The following PCDHA1 variants were observed in gnomAD, a reference collection of about 807,000 sequenced individuals.
PCDHA1 encodes the protein protocadherin alpha-1.
PCDHA1 carries 42 observed loss-of-function variants against 61.3 expected under a neutral mutation model. The observed-to-expected ratio is 0.69, with a 90% confidence interval of 0.54 to 0.89. The LOEUF is 0.89. Among genes scored for constraint, PCDHA1 ranks in the 40% least tolerant of loss-of-function variants. PCDHA1 has a pLI of 0.00. For missense variants in PCDHA1, 1,256 were observed against 1,235.3 expected (o/e 1.02, Z -0.25); for synonymous variants, 610 against 553.8 (o/e 1.10, Z -1.43).
At chr5:140,827,936 C>T (rs1554130932) in intron 1 of PCDHA1, 4 of 1,115,020 alleles carry the variant, frequency 3.6e-6, no homozygotes, top group Non-Finnish European at 5.1e-6. Context: ...GAAGTTATAG[C>T]TAGCCAACAT....
intron 1 of PCDHA1, chr5:140,795,243 G>T (rs1035739838): frequency 1.9e-6 from 3 of 1,614,154 alleles, no homozygotes; most frequent in Non-Finnish European, 2.5e-6. Context: ...TCGACCGGGA[G>T]GAGCTGTGCG....
chr5:140,960,727 CA>C (rs2095565377), intron 1 of PCDHA1, among the ~76,000 whole-genome samples: 3 of 30,176 alleles, frequency 9.9e-5, no homozygotes, highest in Non-Finnish European at 1.9e-4. Context: ...TATTTTAGTC[CA>C]TGATTTTAGT....
At chr5:140,920,093 T>C (rs1289681170) in intron 1 of PCDHA1, among the ~76,000 whole-genome samples, 1 of 152,176 alleles carries the variant, frequency 6.6e-6, no homozygotes, top group African/African-American at 2.4e-5. Flanking sequence ...GTAGAGCCTC[T>C]AAAGGGAGTG....
In PCDHA1 at chr5:140,822,543, T is replaced by A; in HGVS notation, c.2394+33859T>A. Reference sequence around the variant, plus strand: ...TCAGATTGTTGGAAAATGCACCAAGTGGGACATTAGTTATTAAACTGAACG... The same window carrying A: ...TCAGATTGTTGGAAAATGCACCAAGAGGGACATTAGTTATTAAACTGAACG... On this transcript the variant is annotated intron_variant, in intron 1 of 3. Coordinates refer to ENST00000504120, the MANE Select transcript of PCDHA1 (RefSeq NM_018900.4). 6.2e-7 allele frequency: 1 copy of A among 1,613,924 alleles called. No homozygotes were observed. Among genetic ancestry groups the A allele is most frequent in the South Asian group, 1.1e-5 (1 of 91,086 alleles).
chr5:140,997,567 G>A (rs1163598467), intron 3 of PCDHA1, among the ~76,000 whole-genome samples: 1 of 152,130 alleles, frequency 6.6e-6, no homozygotes, highest in Non-Finnish European at 1.5e-5. Flanking sequence ...ACTGTCATAT[G>A]TGTGGTCCGT....
At chr5:140,928,077 C>T in intron 1 of PCDHA1, 1 of 1,614,230 alleles carries the variant, frequency 6.2e-7, no homozygotes, top group Non-Finnish European at 8.5e-7. Context: ...ACAACTACTA[C>T]AGCCTGCTGA....
At chr5:140,979,067 A>C (rs1938790025) in intron 2 of PCDHA1, 60 bp downstream of exon 2, 1 of 1,601,882 alleles carries the variant, frequency 6.2e-7, no homozygotes, top group Non-Finnish European at 8.5e-7. Flanking sequence ...GCTCAGATAA[A>C]CTGCATCTCC....
chr5:140,928,354 A>C (rs374655565), intron 1 of PCDHA1: 10 of 1,614,032 alleles, frequency 6.2e-6, no homozygotes, highest in African/African-American at 1.3e-5. Flanking sequence ...GTTGGATGTT[A>C]TCTCTGAAGG....
At chr5:140,843,342 A>G (rs2150357887) in intron 1 of PCDHA1, 1 of 1,596,056 alleles carries the variant, frequency 6.3e-7, no homozygotes, top group South Asian at 1.1e-5. Flanking sequence ...GAGAGCGGCC[A>G]GGCTCCAAAA....
intron 1 of PCDHA1, chr5:140,812,557 A>G (rs1562235591): frequency 6.6e-6 from 1 of 151,502 alleles, no homozygotes; most frequent in Non-Finnish European, 1.5e-5. Context: ...TTGAGTTGTT[A>G]AGTTTTTTAT....
chr5:140,806,732 A>G (rs1224826422), intron 1 of PCDHA1, among the ~76,000 whole-genome samples: 3 of 152,250 alleles, frequency 2.0e-5, no homozygotes. Flanking sequence ...GTTTACAGTT[A>G]CATGTTTACA....
rs374146742 is a variant in PCDHA1 at position 140,927,954 on chromosome 5, C to T, written c.2395-50995C>T. ...CGAACCCAGTACCTGAGGACGCTGC[C>T]CCTGGCACAGTGATTGCTCTCTTTA... On this transcript the variant is annotated intron_variant, in intron 1 of 3. Transcript: ENST00000504120. The T allele has an allele frequency of 5.2e-5, 84 of 1,614,080 alleles. No homozygotes were observed. In the African/African-American group the frequency reaches 1.0e-3, roughly 19 times the overall value.
At chr5:140,877,435 G>A (rs1354877569) in intron 1 of PCDHA1, 1 of 1,613,736 alleles carries the variant, frequency 6.2e-7, no homozygotes, top group African/African-American at 1.3e-5. Context: ...GAAGGACCAC[G>A]GTGAGCCCGC....
chr5:140,882,153 A>G (rs1197738298), intron 1 of PCDHA1: 9 of 1,505,320 alleles, frequency 6.0e-6, no homozygotes, highest in Admixed American at 2.3e-5. Flanking sequence ...CAGAAAGCGG[A>G]ATACCTCTTG....
chr5:140,920,374 G>T (rs1427300257), intron 1 of PCDHA1, among the ~76,000 whole-genome samples: 1 of 151,964 alleles, frequency 6.6e-6, no homozygotes, highest in East Asian at 1.9e-4. Flanking sequence ...TATTCTTGTG[G>T]ATTCATATTA....
intron 1 of PCDHA1, among the ~76,000 whole-genome samples, chr5:140,922,795 G>C (rs1393016233): frequency 7.9e-5 from 12 of 152,152 alleles, no homozygotes; most frequent in African/African-American, 2.9e-4. Context: ...TGTAGCTTTG[G>C]AATACAGAAA....
At chr5:140,815,207 A>G (rs1765675680) in intron 1 of PCDHA1, 1 of 152,160 alleles carries the variant, frequency 6.6e-6, no homozygotes, top group Admixed American at 6.5e-5. Flanking sequence ...TTGATAGGGC[A>G]TAACTTACTG....
At chr5:140,929,679 G>A (rs142104946) in intron 1 of PCDHA1, 4 of 303,052 alleles carry the variant, frequency 1.3e-5, no homozygotes, top group African/African-American at 2.2e-5. Context: ...TGAAAAATAT[G>A]TAAGAGTCTG....
chr5:140,830,190 T>C, intron 1 of PCDHA1: 1 of 1,613,680 alleles, frequency 6.2e-7, no homozygotes, highest in Non-Finnish European at 8.5e-7. Context: ...AACGTGTACC[T>C]GATCATCGCC....
Sources: allele counts gnomAD v4.1 joint callset (sites outside exome capture counted in the v4.1 genomes callset), GRCh38; gene constraint gnomAD v4.1.1; transcripts MANE v1.5; gene names NCBI Gene and HGNC (gene_info 2026-07-23, HGNC 2026-07-21).